FAM135B: variants seen among roughly 807,000 people sequenced by gnomAD.
The protein encoded by FAM135B is protein FAM135B.
FAM135B carries 43 observed loss-of-function variants against 127.7 expected under a neutral mutation model. The ratio of observed to expected loss-of-function variants is 0.34; its 90% CI spans 0.26 to 0.43. FAM135B has a LOEUF of 0.43. FAM135B is among the 20% of genes least tolerant of loss of function. FAM135B has a pLI of 1.00. For missense variants in FAM135B, 1,558 were observed against 1,725.6 expected, an observed-to-expected ratio of 0.90 and a Z score of 1.72; for synonymous variants, 670 against 665.1, an observed-to-expected ratio of 1.01 and a Z score of -0.11.
At chr8:138,284,960 A>C (rs73719208) in intron 3 of FAM135B, among the ~76,000 whole-genome samples, 1,780 of 152,126 alleles carry the variant, frequency 0.012, 38 homozygotes, top group African/African-American at 0.04. Context: ...AACTTTAAAA[A>C]AATAGTATTA....
At chr8:138,151,011 T>C (rs988972194) in intron 13 of FAM135B, among the ~76,000 whole-genome samples, 183 bp downstream of exon 13, 32 of 152,172 alleles carry the variant, frequency 2.1e-4, no homozygotes, top group Middle Eastern at 6.8e-3. Flanking sequence ...GTATTCTGCA[T>C]TTTAAATTCC....
At chr8:138,246,435 A>C (rs1821291468) in intron 6 of FAM135B, among the ~76,000 whole-genome samples, 1 of 152,112 alleles carries the variant, frequency 6.6e-6, no homozygotes, top group African/African-American at 2.4e-5. Flanking sequence ...TTGTGGCTAA[A>C]AGGGGCCAAG....
intron 1 of FAM135B, among the ~76,000 whole-genome samples, chr8:138,462,857 G>A (rs1322139628): frequency 1.3e-5 from 2 of 152,158 alleles, no homozygotes; most frequent in African/African-American, 2.4e-5. Flanking sequence ...GAAAGTCAAC[G>A]CCCAGCCCAT....
intron 1 of FAM135B, among the ~76,000 whole-genome samples, chr8:138,413,609 GA>G (rs1473145963): frequency 6.6e-6 from 1 of 152,186 alleles, no homozygotes; most frequent in Non-Finnish European, 1.5e-5. Context: ...TTGAATGAAT[GA>G]ATAAATCCAA....
chr8:138,164,454 G>A (rs926386385), intron 12 of FAM135B, among the ~76,000 whole-genome samples: 6 of 152,138 alleles, frequency 3.9e-5, no homozygotes, highest in Admixed American at 1.3e-4. Flanking sequence ...ATTGTGAAAG[G>A]AAAATATCTT....
At chr8:138,168,775 A>T (rs918469953) in intron 11 of FAM135B, among the ~76,000 whole-genome samples, 1 of 152,176 alleles carries the variant, frequency 6.6e-6, no homozygotes, top group East Asian at 1.9e-4. Context: ...ATTTTACTCT[A>T]TAAAGGAAAA....
chr8:138,269,866 T>A (rs1398295), intron 3 of FAM135B, among the ~76,000 whole-genome samples: 1 of 152,036 alleles, frequency 6.6e-6, no homozygotes, highest in Non-Finnish European at 1.5e-5. Context: ...AGATTGAAGA[T>A]GACAACGATT....
At chr8:138,206,424 CACACA>C in intron 7 of FAM135B, among the ~76,000 whole-genome samples, 3 of 151,364 alleles carry the variant, frequency 2.0e-5, no homozygotes, top group Admixed American at 6.6e-5. Flanking sequence ...CCTCCACCTA[CACACA>C]GCTCTATCAT....
At chr8:138,351,060 C>A (rs1014093840) in intron 2 of FAM135B, among the ~76,000 whole-genome samples, 2 of 152,148 alleles carry the variant, frequency 1.3e-5, no homozygotes, top group African/African-American at 4.8e-5. Flanking sequence ...TGACAAAATC[C>A]ATACAGAATC....
At chr8:138,297,066 G>A (rs930709005) in intron 3 of FAM135B, among the ~76,000 whole-genome samples, 21 of 152,114 alleles carry the variant, frequency 1.4e-4, no homozygotes, top group African/African-American at 5.1e-4. Flanking sequence ...TGGCATCTGG[G>A]CCCCTCATGT....
chr8:138,357,674 A>G (rs1359875169), intron 2 of FAM135B, among the ~76,000 whole-genome samples: 1 of 152,176 alleles, frequency 6.6e-6, no homozygotes, highest in Non-Finnish European at 1.5e-5. Context: ...ATGGGAAAAA[A>G]AAACAAGAGC....
intron 18 of FAM135B, among the ~76,000 whole-genome samples, chr8:138,138,021 G>T (rs1329800004): frequency 1.3e-5 from 2 of 152,172 alleles, no homozygotes; most frequent in Non-Finnish European, 2.9e-5. Context: ...ATTGGGGGCA[G>T]CCTACTTCAA....
chr8:138,473,230 C>A (rs1430084849), intron 1 of FAM135B, among the ~76,000 whole-genome samples: 1 of 152,042 alleles, frequency 6.6e-6, no homozygotes, highest in Admixed American at 6.6e-5. Flanking sequence ...AACATGCTGA[C>A]CTAATGTCTA....
intron 1 of FAM135B, among the ~76,000 whole-genome samples, chr8:138,413,735 A>G (rs1048198325): frequency 3.3e-5 from 5 of 152,010 alleles, no homozygotes; most frequent in South Asian, 2.1e-4. Flanking sequence ...CTGGAATAAA[A>G]ACTCACACTC....
chr8:138,343,300 G>A (rs1829180593), intron 2 of FAM135B, among the ~76,000 whole-genome samples: 1 of 152,210 alleles, frequency 6.6e-6, no homozygotes, highest in African/African-American at 2.4e-5. Context: ...CAGGCAGGAA[G>A]ACACATGCAG....
At chr8:138,137,739 A>T (rs973644352) in intron 18 of FAM135B, among the ~76,000 whole-genome samples, 2 of 152,144 alleles carry the variant, frequency 1.3e-5, no homozygotes, top group Admixed American at 1.3e-4. Flanking sequence ...TTAGGAAAAC[A>T]GCCTCAGAAC....
intron 7 of FAM135B, among the ~76,000 whole-genome samples, chr8:138,206,420 C>T: frequency 6.6e-6 from 1 of 151,368 alleles, no homozygotes; most frequent in Non-Finnish European, 1.5e-5. Context: ...GTCCCCTCCA[C>T]CTACACACAG....
At chr8:138,249,055 A>C (rs575551050) in intron 6 of FAM135B, among the ~76,000 whole-genome samples, 1 of 152,180 alleles carries the variant, frequency 6.6e-6, no homozygotes, top group Admixed American at 6.5e-5. Context: ...TTCCTACCCC[A>C]GGCTGTCTGT....
chr8:138,306,854 G>T (rs1171881225), intron 3 of FAM135B, among the ~76,000 whole-genome samples: 4 of 152,144 alleles, frequency 2.6e-5, no homozygotes, highest in Non-Finnish European at 4.4e-5. Flanking sequence ...AAAGTGCTGG[G>T]ATTACAGGTG....
Sources: gnomAD v4.1 joint callset for allele counts (sites outside exome capture counted in the v4.1 genomes callset) on GRCh38, gnomAD v4.1.1 for gene constraint, MANE v1.5 for transcripts, NCBI Gene and HGNC (gene_info 2026-07-23, HGNC 2026-07-21) for gene names.